The following RPL3L variants were observed in gnomAD, a reference collection of about 807,000 sequenced individuals.
RPL3L encodes ribosomal protein L3 like.
Under a neutral mutation model 44.5 loss-of-function variants are expected in RPL3L, and 44 were observed. The observed-to-expected ratio is 0.99, with a 90% CI of 0.78 to 1.27. RPL3L has a LOEUF of 1.27. Ranked by LOEUF, RPL3L falls within the 50% of genes most tolerant of loss-of-function variation. The probability of loss-of-function intolerance (pLI) is 0.00; values close to 1 mark genes in which losing one functional copy is unlikely to be tolerated. For synonymous variants in RPL3L, 292 were observed against 230.7 expected (o/e 1.27, Z -2.41); for missense variants, 631 against 569.1 (o/e 1.11, Z -1.11).
intron 4 of RPL3L, 86 bp downstream of exon 4, chr16:1,950,758 G>A (rs928868576): frequency 2.8e-5 from 45 of 1,600,892 alleles, no homozygotes; most frequent in Non-Finnish European, 4.3e-6. Flanking sequence ...GGTATTTTTA[G>A]GCTGACATTT....
At chr16:1,950,810 GGGACT>G in intron 4 of RPL3L, 29 bp downstream of exon 4, 2 of 1,613,884 alleles carry the variant, frequency 1.2e-6, no homozygotes, top group Non-Finnish European at 1.7e-6. Flanking sequence ...CGTGGTCCTA[GGGACT>G]GACCGACAGC....
At chr16:1,947,403 A>G (rs2083132254) in intron 4 of RPL3L, 23 bp from the exon 5 acceptor site, 9 of 1,532,974 alleles carry the variant, frequency 5.9e-6, no homozygotes, top group Non-Finnish European at 7.9e-6. Flanking sequence ...GCCGGAGGTC[A>G]CGCCACGGCC....
chr16:1,945,436 C>A (rs1161103977), intron 9 of RPL3L, 63 bp downstream of exon 9: 2 of 1,562,028 alleles, frequency 1.3e-6, no homozygotes, highest in African/African-American at 2.7e-5. Flanking sequence ...GCTCCCTACT[C>A]GGGCAGGCTG....
At position 1,953,964 on chromosome 16, in the gene RPL3L, G is replaced by A. The variant is rs577398510; in HGVS notation, c.188C>T (p.Pro63Leu). ...TCCCAACTGTGACTCACTGAGCCCC[G>A]GCCGGTGCACCTCCCGCAGGGTGTG... ...MTHTLREVHRPGLKISKREEV... is the reference protein window; with the variant it reads ...MTHTLREVHRLGLKISKREEV... The change falls in exon 2 of 10, where the codon CCG becomes CTG. Residue 63 changes from proline to leucine, a missense_variant. Physicochemically the swap from Pro to Leu is moderately conservative, Grantham distance 98. Transcript: ENST00000268661. 78 of 1,534,242 alleles carry A rather than the reference G, an allele frequency of 5.1e-5. No homozygotes were observed. Among genetic ancestry groups the A allele is most frequent in the South Asian group, 4.2e-4 (34 of 81,680 alleles).
At chr16:1,953,516 G>A (rs1025072277) in intron 2 of RPL3L, among the ~76,000 whole-genome samples, 13 of 152,154 alleles carry the variant, frequency 8.5e-5, no homozygotes, top group African/African-American at 4.8e-5. Context: ...CACCATGCCC[G>A]GCCTGCATTA....
intron 3 of RPL3L, among the ~76,000 whole-genome samples, chr16:1,951,536 G>A (rs527865523): frequency 1.3e-5 from 2 of 151,912 alleles, no homozygotes; most frequent in South Asian, 2.1e-4. Context: ...ATGCGCCACC[G>A]TGCCCGGCTA....
chr16:1,952,751 G>A (rs2083178846), intron 3 of RPL3L, 123 bp downstream of exon 3: 1 of 1,126,456 alleles, frequency 8.9e-7, no homozygotes, highest in Admixed American at 2.2e-5. Flanking sequence ...ACCTCCCACA[G>A]ACGGTTGAGA....
intron 3 of RPL3L, among the ~76,000 whole-genome samples, chr16:1,952,563 A>G (rs189241262): frequency 6.6e-6 from 1 of 151,636 alleles, no homozygotes; most frequent in East Asian, 2.0e-4. Context: ...TTTGGTAGAG[A>G]TGGGGTTTCA....
chr16:1,953,497 G>C (rs1321665091), intron 2 of RPL3L, among the ~76,000 whole-genome samples: 1 of 152,214 alleles, frequency 6.6e-6, no homozygotes, highest in Non-Finnish European at 1.5e-5. Context: ...TGGGATTACA[G>C]GCGTGAGCCA....
Position 1,953,003 on chromosome 16 carries a change from A to G in RPL3L, c.236T>C (p.Val79Ala), listed in dbSNP as rs1161502084. Residue 79 changes from valine (V) to alanine (A), a missense_variant, in exon 3 of 10, where the codon GTA becomes GCA. By Grantham distance (64) the Val-to-Ala change is moderately conservative (BLOSUM62 0). Transcript: ENST00000268661. ...KREEVEAVTIVETPPLVVVGV... is the reference protein window; with the variant it reads ...KREEVEAVTIAETPPLVVVGV... Reference sequence around the variant, plus strand: ...CACCACCACTAGGGGCGGCGTTTCTACAATTGTCACCGCCTCCACCTCCTC... The same window carrying G: ...CACCACCACTAGGGGCGGCGTTTCTGCAATTGTCACCGCCTCCACCTCCTC... The G allele has an allele frequency of 1.9e-6, 3 of 1,609,664 alleles. No homozygotes were observed. The highest frequency in any genetic ancestry group is 1.7e-6 in the Non-Finnish European group (2 of 1,178,150).
chr16:1,948,698 T>C (rs1424255167), intron 4 of RPL3L, among the ~76,000 whole-genome samples: 3 of 124,840 alleles, frequency 2.4e-5, no homozygotes, highest in Admixed American at 7.1e-5. Flanking sequence ...CCATGCCCAG[T>C]TGTTTTTTTT....
At chr16:1,952,723 A>T (rs2023427) in intron 3 of RPL3L, 151 bp downstream of exon 3, 239,571 of 828,740 alleles carry the variant, frequency 0.29, 41,633 homozygotes, top group East Asian at 0.68. Context: ...ACACACACAC[A>T]CACACACAGA....
intron 9 of RPL3L, 104 bp from the exon 10 acceptor site, chr16:1,944,997 CT>C: frequency 7.1e-7 from 1 of 1,408,854 alleles, no homozygotes; most frequent in Non-Finnish European, 1.0e-6. Flanking sequence ...TACTGCCCCC[CT>C]AAGGCTGCTT....
At position 1,944,594 on chromosome 16, in the gene RPL3L, AT is replaced by A. The variant is rs1159522381; in HGVS notation, c.*242del. ...GCTCCGCAAATGCTCAAAGAGATCGATTTGAGTAATAATAAAACATAAAACT... is the reference window on the plus strand; with the variant it reads ...GCTCCGCAAATGCTCAAAGAGATCGATTGAGTAATAATAAAACATAAAACT... On this transcript the variant is annotated 3_prime_UTR_variant, in exon 10 of 10. Coordinates refer to ENST00000268661, the MANE Select transcript of RPL3L (RefSeq NM_005061.3). 2.3e-6 allele frequency: 1 copy of A among 436,886 alleles called. No homozygotes were observed. Among genetic ancestry groups the A allele is most frequent in the Non-Finnish European group, 4.2e-6 (1 of 239,232 alleles). 27.1% of individuals were successfully genotyped at this position (436,886 alleles called of 1,614,324 possible). A position where few individuals can be genotyped will look rare whatever the true frequency, so the allele number is the denominator to read the frequency against.
In RPL3L at chr16:1,945,369, AT is replaced by A. The variant is rs1567308308; in HGVS notation, c.1167+129del. 1.7e-3 allele frequency: 1,422 copies of A among 854,860 alleles called. 29 individuals carry two copies. Among genetic ancestry groups the A allele is most frequent in the South Asian group, 5.3e-3 (227 of 42,518 alleles). The allele number at this position is 854,860 out of a possible 1,614,324, so 53.0% of individuals were successfully genotyped here. A position where few individuals can be genotyped will look rare whatever the true frequency, so the allele number is the denominator to read the frequency against. On this transcript the variant is annotated intron_variant, in intron 9 of 9. Coordinates refer to ENST00000268661, the MANE Select transcript of RPL3L (RefSeq NM_005061.3). ...GACTCCATCTCAAAAAATAAAATAA[AT>A]AAAAAAAAAAGAGTCTCTCCTGCAG... is the stretch of plus-strand genomic sequence containing the variant.
chr16:1,945,291 G>A (rs960477263), intron 9 of RPL3L, among the ~76,000 whole-genome samples: 2 of 151,016 alleles, frequency 1.3e-5, no homozygotes, highest in Non-Finnish European at 2.9e-5. Context: ...GGAGGTGGAG[G>A]TGGCAGTGAG....
chr16:1,953,193 C>T lies in RPL3L; in HGVS notation c.197-151G>A. 1.8e-5 allele frequency: 13 copies of T among 717,548 alleles called. No homozygotes were observed. In the South Asian group the frequency reaches 2.4e-4, roughly 13 times the overall value. 44.4% of individuals were successfully genotyped at this position (717,548 alleles called of 1,614,324 possible). On this transcript the variant is annotated intron_variant, in intron 2 of 9. Coordinates refer to ENST00000268661, the MANE Select transcript of RPL3L (RefSeq NM_005061.3). The stretch of plus-strand genomic sequence containing the variant: ...GAGGGTGGGGCTGAGCCCAAATGAG[C>T]ATTTGTTATTCTAATGATTACAATG...
At chr16:1,953,839 G>A (rs868373037) in intron 2 of RPL3L, 117 bp downstream of exon 2, 62 of 1,092,426 alleles carry the variant, frequency 5.7e-5, no homozygotes, top group African/African-American at 2.3e-4. Flanking sequence ...TCCCGGGGGC[G>A]AGGCCTGGTG....
chr16:1,952,652 AG>A (rs1380639282), intron 3 of RPL3L, among the ~76,000 whole-genome samples: 1 of 152,212 alleles, frequency 6.6e-6, no homozygotes, highest in African/African-American at 2.4e-5. Context: ...CTGGGATTAC[AG>A]GCGTGAGCCA....
Sources: gnomAD v4.1 joint callset for allele counts (sites outside exome capture counted in the v4.1 genomes callset) on GRCh38, gnomAD v4.1.1 for gene constraint, MANE v1.5 for transcripts, NCBI Gene and HGNC (gene_info 2026-07-23, HGNC 2026-07-21) for gene names.